The following EZH2 variants were observed in gnomAD, a reference collection of about 807,000 sequenced individuals.
EZH2 encodes the protein enhancer of zeste 2 polycomb repressive complex 2 subunit.
Under a neutral mutation model 98.4 loss-of-function variants are expected in EZH2, and 18 were observed. The ratio of observed to expected loss-of-function variants is 0.18; its 90% confidence interval spans 0.13 to 0.27. EZH2 has a LOEUF of 0.27. Among genes scored for constraint, EZH2 ranks in the 10% least tolerant of loss-of-function variants. EZH2 has a pLI of 1.00. For synonymous variants in EZH2, 338 were observed against 312.3 expected, an observed-to-expected ratio of 1.08 and a Z score of -0.87; for missense variants, 470 against 935.1, an observed-to-expected ratio of 0.50 and a Z score of 6.49.
intron 1 of EZH2, among the ~76,000 whole-genome samples, chr7:148,873,885 T>A (rs6958755): frequency 0.41 from 62,594 of 151,746 alleles, 13,423 homozygotes; most frequent in Non-Finnish European, 0.48. Flanking sequence ...TTAATACACA[T>A]GTTATGGTAC....
intron 1 of EZH2, among the ~76,000 whole-genome samples, chr7:148,873,962 T>C (rs1221885608): frequency 6.6e-6 from 1 of 152,138 alleles, no homozygotes; most frequent in Non-Finnish European, 1.5e-5. Context: ...AGCCAGAAGC[T>C]GAACAGCATG....
intron 16 of EZH2, among the ~76,000 whole-genome samples, chr7:148,810,896 CAAAAAAA>C (rs924758768): frequency 1.8e-4 from 8 of 43,672 alleles, no homozygotes; most frequent in East Asian, 1.3e-3. Flanking sequence ...AACTCTGTCT[CAAAAAAA>C]AAAAAAAAAA....
At chr7:148,842,344 A>G (rs1812671668) in intron 3 of EZH2, among the ~76,000 whole-genome samples, 1 of 152,246 alleles carries the variant, frequency 6.6e-6, no homozygotes, top group African/African-American at 2.4e-5. Context: ...AAAGAAATAC[A>G]TTAATGAGAA....
chr7:148,846,417 T>TA, intron 3 of EZH2, 53 bp downstream of exon 3: 12 of 1,570,992 alleles, frequency 7.6e-6, no homozygotes, highest in Non-Finnish European at 1.0e-5. Context: ...AATGTTCCAA[T>TA]AGCATAAACC....
At chr7:148,836,776 G>A in intron 3 of EZH2, 1 of 475,296 alleles carries the variant, frequency 2.1e-6, no homozygotes, top group East Asian at 4.9e-5. Flanking sequence ...GAGAAACACA[G>A]CTTACTGGTA....
intron 14 of EZH2, 92 bp downstream of exon 14, chr7:148,814,822 G>T: frequency 3.5e-6 from 5 of 1,439,522 alleles, no homozygotes; most frequent in African/African-American, 1.4e-5. Context: ...AAACAAGGGA[G>T]TGCTCCCATG....
intron 1 of EZH2, chr7:148,876,336 G>C (rs1017311723): frequency 1.3e-5 from 2 of 151,892 alleles, no homozygotes; most frequent in African/African-American, 4.8e-5. Context: ...GAGGATGAAA[G>C]GACTCTGAGA....
chr7:148,843,831 G>A (rs1585135093), intron 3 of EZH2, among the ~76,000 whole-genome samples: 2 of 151,730 alleles, frequency 1.3e-5, no homozygotes, highest in Admixed American at 6.6e-5. Flanking sequence ...TCCTGACCTC[G>A]TGATCCGCCC....
At chr7:148,812,793 A>T (rs1011054125) in intron 15 of EZH2, among the ~76,000 whole-genome samples, 1 of 152,220 alleles carries the variant, frequency 6.6e-6, no homozygotes, top group Non-Finnish European at 1.5e-5. Flanking sequence ...AAATGGACAT[A>T]TAACTGCCTA....
chr7:148,852,272 T>C (rs538299480), intron 1 of EZH2, among the ~76,000 whole-genome samples: 1 of 152,348 alleles, frequency 6.6e-6, no homozygotes, highest in South Asian at 2.1e-4. Context: ...CAATCTATTT[T>C]GTGAATCAAA....
intron 1 of EZH2, among the ~76,000 whole-genome samples, chr7:148,883,852 G>A (rs1466880412): frequency 6.6e-6 from 1 of 151,598 alleles, no homozygotes; most frequent in Non-Finnish European, 1.5e-5. Context: ...CCCCGGCCCC[G>A]GCGCCCCGGC....
intron 1 of EZH2, among the ~76,000 whole-genome samples, chr7:148,853,962 C>T (rs1343013024): frequency 1.3e-5 from 2 of 152,220 alleles, no homozygotes; most frequent in Admixed American, 6.5e-5. Flanking sequence ...CACCTTCCTA[C>T]CTACCTCTCA....
In EZH2 at chr7:148,807,659, A is replaced by G. The variant is rs1801821782; in HGVS notation, c.2243T>C (p.Met748Thr). The change falls in exon 20 of 20, where the codon ATG (methionine) becomes ACG (threonine). Residue 748 changes from methionine (M) to threonine (T), a missense_variant. Physicochemically the swap from Met to Thr is moderately conservative, Grantham distance 81. Coordinates refer to ENST00000320356, the MANE Select transcript of EZH2 (RefSeq NM_004456.5). ...ALKYVGIEREMEIP is the reference protein window; with the variant it reads ...ALKYVGIERETEIP The stretch of plus-strand genomic sequence containing the variant: ...AGGTAGCAGATGTCAAGGGATTTCC[A>G]TTTCTCTTTCGATGCCGACATACTT... 1 of 1,597,676 alleles carries G rather than the reference A, an allele frequency of 6.3e-7. No individual in the cohort carries two copies. The highest frequency in any genetic ancestry group is 8.5e-7 in the Non-Finnish European group (1 of 1,171,488).
intron 1 of EZH2, among the ~76,000 whole-genome samples, chr7:148,866,600 A>G (rs1046502179): frequency 6.8e-6 from 1 of 147,086 alleles, no homozygotes; most frequent in Non-Finnish European, 1.5e-5. Flanking sequence ...TATACACTAT[A>G]TATTATATAT....
At position 148,851,857 on chromosome 7, in the gene EZH2, C is replaced by CGA. The variant is rs374142993; in HGVS notation, c.-7-4554_-7-4553dup. On this transcript the variant is annotated intron_variant, in intron 1 of 19. Transcript: ENST00000320356. ...CTGCACTCCAGCCTAGGTGACAGAG[C>CGA]GAGACCCTGTCTCAAAAAAAGTAAA... Among the ~76,000 whole-genome samples the CGA allele has an allele frequency of 3.3e-4, 50 of 152,212 alleles. 1 individual carries two copies. The highest frequency in any genetic ancestry group is 1.2e-3 in the African/African-American group (50 of 41,528).
chr7:148,809,663 A>G (rs1380105196), intron 17 of EZH2, among the ~76,000 whole-genome samples: 1 of 13,786 alleles, frequency 7.3e-5, no homozygotes, highest in East Asian at 1.9e-3. Context: ...AAAACATAGC[A>G]AAAAAAAAAA....
chr7:148,866,842 G>A (rs558665978), intron 1 of EZH2, among the ~76,000 whole-genome samples: 1 of 149,644 alleles, frequency 6.7e-6, no homozygotes, highest in African/African-American at 2.4e-5. Context: ...AGCCTTCCAA[G>A]TAGCTGAGAC....
chr7:148,880,381 A>G (rs1227624896), intron 1 of EZH2, among the ~76,000 whole-genome samples: 2 of 152,266 alleles, frequency 1.3e-5, no homozygotes, highest in Admixed American at 6.5e-5. Flanking sequence ...CTCATGAATT[A>G]TAACAAAACA....
intron 1 of EZH2, among the ~76,000 whole-genome samples, chr7:148,874,054 G>C (rs1180710266): frequency 6.6e-6 from 1 of 152,152 alleles, no homozygotes; most frequent in African/African-American, 2.4e-5. Flanking sequence ...AGACTAGTAA[G>C]AAAATCAAGT....
Sources: allele counts gnomAD v4.1 joint callset (sites outside exome capture counted in the v4.1 genomes callset), GRCh38; gene constraint gnomAD v4.1.1; transcripts MANE v1.5; gene names NCBI Gene and HGNC (gene_info 2026-07-23, HGNC 2026-07-21).